The following AGPS variants were observed in gnomAD, a reference collection of about 807,000 sequenced individuals.
AGPS encodes alkylglycerone phosphate synthase.
A neutral mutation model predicts 90.7 loss-of-function variants in AGPS; 26 were observed. The ratio of observed to expected loss-of-function variants is 0.29; its 90% CI spans 0.21 to 0.40. AGPS has a LOEUF of 0.40. Ranked by LOEUF, AGPS falls within the 10% of genes least tolerant of loss-of-function variation. The probability of loss-of-function intolerance (pLI) is 1.00; values close to 1 mark genes in which losing one functional copy is unlikely to be tolerated. For synonymous variants in AGPS, 294 were observed against 285.3 expected (o/e 1.03, Z -0.31); for missense variants, 540 against 816.1 (o/e 0.66, Z 4.12).
intron 1 of AGPS, among the ~76,000 whole-genome samples, chr2:177,411,159 G>A (rs13027959): frequency 0.56 from 85,344 of 151,938 alleles, 29,005 homozygotes; most frequent in Non-Finnish European, 0.72. Context: ...AGTTCAGTAG[G>A]GTTTCTAAGT....
chr2:177,540,917 G>A lies in AGPS; in HGVS notation c.*2722G>A, dbSNP rs534401929. 6.6e-6 allele frequency: 1 copy of A among 152,072 alleles called. No individual in the cohort carries two copies. The highest frequency in any genetic ancestry group is 2.4e-5 in the African/African-American group (1 of 41,438). The allele number at this position is 152,072 out of a possible 1,614,324, so 9.4% of individuals were successfully genotyped here. A position where few individuals can be genotyped will look rare whatever the true frequency, so the allele number is the denominator to read the frequency against. On this transcript the variant is annotated 3_prime_UTR_variant, in exon 20 of 20. Transcript: ENST00000264167. ...TTAATGTTTGGTGCAATTTCTAGTA[G>A]TGCATAAGTGAATTTAGTCTTATGA...
intron 7 of AGPS, 145 bp from the exon 8 acceptor site, chr2:177,445,401 C>CT (rs1686738223): frequency 1.4e-6 from 1 of 697,822 alleles, no homozygotes; most frequent in Non-Finnish European, 2.6e-6. Context: ...GATAAGTGGA[C>CT]TTGGTTTCCA....
At chr2:177,494,412 A>T (rs546497899) in intron 12 of AGPS, among the ~76,000 whole-genome samples, 1 of 152,232 alleles carries the variant, frequency 6.6e-6, no homozygotes, top group Non-Finnish European at 1.5e-5. Flanking sequence ...ACTTAAATCA[A>T]GTGAAAAACC....
intron 9 of AGPS, among the ~76,000 whole-genome samples, chr2:177,467,481 A>G (rs571343645): frequency 1.3e-5 from 2 of 152,290 alleles, no homozygotes; most frequent in South Asian, 4.1e-4. Context: ...CAAGAAGTTT[A>G]TACATTTTAG....
At chr2:177,518,820 G>A (rs757184634) in intron 17 of AGPS, among the ~76,000 whole-genome samples, 14 of 151,968 alleles carry the variant, frequency 9.2e-5, no homozygotes, top group Non-Finnish European at 2.9e-5. Flanking sequence ...GTTTCTTTAA[G>A]TTGGCTTCTG....
intron 10 of AGPS, among the ~76,000 whole-genome samples, chr2:177,470,490 G>A (rs1687581993): frequency 6.6e-6 from 1 of 151,856 alleles, no homozygotes; most frequent in South Asian, 2.1e-4. Context: ...GATCACTTGA[G>A]GTCAGGCATT....
chr2:177,445,852 G>A (rs1686753200), intron 8 of AGPS, among the ~76,000 whole-genome samples: 2 of 152,090 alleles, frequency 1.3e-5, no homozygotes, highest in Non-Finnish European at 2.9e-5. Context: ...GCTACCTTCA[G>A]GTAGCTTAGA....
chr2:177,507,222 A>G (rs528800345), intron 15 of AGPS, among the ~76,000 whole-genome samples: 1 of 152,164 alleles, frequency 6.6e-6, no homozygotes, highest in Admixed American at 6.6e-5. Flanking sequence ...GAAATGACTC[A>G]TTTTACTTGA....
At chr2:177,435,386 C>G (rs1277961502) in intron 3 of AGPS, among the ~76,000 whole-genome samples, 1 of 152,062 alleles carries the variant, frequency 6.6e-6, no homozygotes, top group African/African-American at 2.4e-5. Flanking sequence ...CTTAAATTCT[C>G]TCTCTCTTTT....
At chr2:177,501,996 A>T (rs1402941764) in intron 14 of AGPS, among the ~76,000 whole-genome samples, 3 of 152,170 alleles carry the variant, frequency 2.0e-5, no homozygotes, top group Non-Finnish European at 2.9e-5. Context: ...AATGTCAGTA[A>T]TGCCAGTTTT....
chr2:177,472,578 T>G (rs961581986), intron 10 of AGPS, among the ~76,000 whole-genome samples: 2 of 152,136 alleles, frequency 1.3e-5, no homozygotes, highest in African/African-American at 4.8e-5. Flanking sequence ...TTTATTGGCG[T>G]TTTCTGACTT....
chr2:177,450,523 G>A (rs1408157834), intron 8 of AGPS, among the ~76,000 whole-genome samples: 7 of 152,060 alleles, frequency 4.6e-5, no homozygotes, highest in Admixed American at 3.9e-4. Context: ...ATATCCAATT[G>A]TTCAGCACCA....
At chr2:177,443,170 CTAT>C (rs1420118642) in intron 7 of AGPS, among the ~76,000 whole-genome samples, 1 of 151,986 alleles carries the variant, frequency 6.6e-6, no homozygotes, top group Non-Finnish European at 1.5e-5. Context: ...TCTCACATAA[CTAT>C]TATTATCACT....
rs2079255840 is a variant in AGPS, at chr2:177,543,276, TTGTG to T, written c.*5085_*5088del. ...GTGCGGGTGGTTTCTATTCCTAATA[TTGTG>T]TGTCAGTCCTTTTTCGTGTGATGGT... On this transcript the variant is annotated 3_prime_UTR_variant, in exon 20 of 20. Transcript: ENST00000264167. The T allele has an allele frequency of 2.6e-5, 4 of 152,194 alleles. No homozygotes were observed. The highest frequency in any genetic ancestry group is 9.6e-5 in the African/African-American group (4 of 41,454). The allele number at this position is 152,194 out of a possible 1,614,324, so 9.4% of individuals were successfully genotyped here.
intron 6 of AGPS, 94 bp downstream of exon 6, chr2:177,441,130 C>A: frequency 2.8e-6 from 3 of 1,072,908 alleles, no homozygotes; most frequent in Non-Finnish European, 2.8e-6. Context: ...TGAAAACAAA[C>A]ATTATTGTAA....
chr2:177,509,747 A>AT (rs1688817677), intron 16 of AGPS, among the ~76,000 whole-genome samples: 1 of 151,836 alleles, frequency 6.6e-6, no homozygotes, highest in Admixed American at 6.6e-5. Context: ...ATTAGTTTTT[A>AT]TTTTTAACTA....
At chr2:177,396,937 C>CTTTTCTTTTTTCTT (rs112078323) in intron 1 of AGPS, among the ~76,000 whole-genome samples, 3 of 137,376 alleles carry the variant, frequency 2.2e-5, no homozygotes, top group Non-Finnish European at 4.7e-5. Flanking sequence ...ACTTCTTTTT[C>CTTTTCTTTTTTCTT]TTTTCTTTTT....
chr2:177,494,026 G>A (rs1186999828), intron 12 of AGPS, among the ~76,000 whole-genome samples: 1 of 152,136 alleles, frequency 6.6e-6, no homozygotes, highest in Non-Finnish European at 1.5e-5. Context: ...AAGAATGGGT[G>A]GTGGTCTTGG....
intron 2 of AGPS, 111 bp downstream of exon 2, chr2:177,420,469 A>G (rs1372398234): frequency 1.2e-6 from 1 of 828,186 alleles, no homozygotes; most frequent in East Asian, 2.6e-5. Context: ...AAACATTATC[A>G]ACATTTTGCC....
Sources: gnomAD v4.1 joint callset for allele counts (sites outside exome capture counted in the v4.1 genomes callset) on GRCh38, gnomAD v4.1.1 for gene constraint, MANE v1.5 for transcripts, NCBI Gene and HGNC (gene_info 2026-07-23, HGNC 2026-07-21) for gene names.